Variants in KCNC3 observed in about 807,000 individuals in gnomAD.
The protein encoded by KCNC3 is voltage-gated potassium channel KCNC3.
A neutral mutation model predicts 43.9 loss-of-function variants in KCNC3; 22 were observed. That is an observed-to-expected ratio of 0.50 (90% CI 0.36 to 0.72). The LOEUF (loss-of-function observed/expected upper bound fraction) is 0.72, where lower values mean the gene tolerates loss of function less well. Among genes scored for constraint, KCNC3 ranks in the 30% least tolerant of loss-of-function variants. KCNC3 has a pLI of 0.00. For synonymous variants in KCNC3, 492 were observed against 488.0 expected (o/e 1.01, Z -0.11); for missense variants, 829 against 1,073.8 (o/e 0.77, Z 3.19).
chr19:50,320,269 C>G lies in KCNC3; in HGVS notation c.2251G>C (p.Ala751Pro). 1 of 1,019,506 alleles carries G rather than the reference C, an allele frequency of 9.8e-7. No individual in the cohort carries two copies. The highest frequency in any genetic ancestry group is 1.3e-6 in the Non-Finnish European group (1 of 766,930). The allele number at this position is 1,019,506 out of a possible 1,614,324, so 63.2% of individuals were successfully genotyped here. A position where few individuals can be genotyped will look rare whatever the true frequency, so the allele number is the denominator to read the frequency against. ...PSFLPDLNANAAAWISP is the reference protein window; with the variant it reads ...PSFLPDLNANPAAWISP ...CACTAGGGGGATATCCAGGCCGCGG[C>G]GTTGGCGTTGAGGTCGGGCAAGAAG... is the stretch of plus-strand genomic sequence containing the variant. Residue 751 changes from alanine to proline, a missense_variant, in exon 4 of 5, where the codon GCC (alanine) becomes CCC (proline). Ala to Pro is a conservative substitution (Grantham distance 27). Transcript: ENST00000477616.
At chr19:50,325,685 G>T (rs2037095084) in intron 1 of KCNC3, among the ~76,000 whole-genome samples, 1 of 152,032 alleles carries the variant, frequency 6.6e-6, no homozygotes, top group African/African-American at 2.4e-5. Context: ...AGCCGGGCGC[G>T]CGGCGCTAGC....
At position 50,316,148 on chromosome 19, in the gene KCNC3, C is replaced by G. The variant is rs1157526635; in HGVS notation, c.*24-57G>C. 3.5e-5 allele frequency: 14 copies of G among 404,100 alleles called. No homozygotes were observed. In the South Asian group the frequency reaches 1.0e-3, roughly 30 times the overall value. The allele number at this position is 404,100 out of a possible 1,614,324, so 25.0% of individuals were successfully genotyped here. On this transcript the variant is annotated intron_variant, in intron 4 of 4. Coordinates refer to ENST00000477616, the MANE Select transcript of KCNC3 (RefSeq NM_004977.3). ...TGGGGAGAGGATGGTCAGGGGAAAC[C>G]CCCCAACACAGCCTCACTGTTGGGG...
At chr19:50,321,411 G>C (rs2037032420) in intron 2 of KCNC3, among the ~76,000 whole-genome samples, 1 of 152,130 alleles carries the variant, frequency 6.6e-6, no homozygotes, top group African/African-American at 2.4e-5. Flanking sequence ...GGCCTGCAGT[G>C]AGCCATAATA....
Position 50,329,057 on chromosome 19 carries a change from G to T in KCNC3, c.26C>A (p.Ser9Tyr). MLSSVCVS[S>Y]FRGRQGASKQ... is the part of the protein sequence containing the mutation. ...GCTGGCCCCCTGGCGCCCGCGGAAG[G>T]ACGAGACGCAGACTGAGCTCAGCAT... The change falls in exon 1 of 5, where the codon TCC becomes TAC. Residue 9 changes from serine (S) to tyrosine (Y), a missense_variant. Coordinates refer to ENST00000477616, the MANE Select transcript of KCNC3 (RefSeq NM_004977.3). The T allele has an allele frequency of 7.5e-7, 1 of 1,327,068 alleles. No individual in the cohort carries two copies. The highest frequency in any genetic ancestry group is 9.7e-7 in the Non-Finnish European group (1 of 1,031,472). The allele number at this position is 1,327,068 out of a possible 1,614,324, so 82.2% of individuals were successfully genotyped here. A position where few individuals can be genotyped will look rare whatever the true frequency, so the allele number is the denominator to read the frequency against.
Position 50,319,542 on chromosome 19 carries a change from T to C in KCNC3, c.*23+681A>G, listed in dbSNP as rs2037000141. ...CGTTCCTGTCGATGGGATTTCTTCCTCTGCGTGTGGTCAGAACTCCTGCTC... is the reference window on the plus strand; with the variant it reads ...CGTTCCTGTCGATGGGATTTCTTCCCCTGCGTGTGGTCAGAACTCCTGCTC... On this transcript the variant is annotated intron_variant, in intron 4 of 4. Transcript: ENST00000477616. Among the ~76,000 whole-genome samples, 3 of 152,198 alleles carry C rather than the reference T, an allele frequency of 2.0e-5. No individual in the cohort carries two copies. The South Asian group carries it at 6.2e-4, about 31-fold the overall frequency.
In KCNC3 at chr19:50,324,098, GGAGA is replaced by G. The variant is rs775712507; in HGVS notation, c.871-20_871-17del. 18 of 1,573,838 alleles carry G rather than the reference GGAGA, an allele frequency of 1.1e-5. No individual in the cohort carries two copies. The highest frequency in any genetic ancestry group is 1.8e-5 in the Admixed American group (1 of 56,486). On this transcript the variant is annotated splice_polypyrimidine_tract_variant and intron_variant, in intron 1 of 4. Transcript: ENST00000477616. The surrounding 1 kb of genome is among the most constrained non-coding windows in gnomAD (Gnocchi z 4.1). ...AGGCCACATACTGCAGGGCAGGGAGGGAGAGAGAGGGGGAGAGGTGACCTAGGCA... is the reference window on the plus strand; with the variant it reads ...AGGCCACATACTGCAGGGCAGGGAGGGAGAGGGGGAGAGGTGACCTAGGCA...
chr19:50,319,757 C>T (rs958315570), intron 4 of KCNC3, among the ~76,000 whole-genome samples: 1 of 152,054 alleles, frequency 6.6e-6, no homozygotes, highest in Non-Finnish European at 1.5e-5. Flanking sequence ...GGTTTTTGTT[C>T]ACGGTTGAAC....
intron 1 of KCNC3, among the ~76,000 whole-genome samples, chr19:50,326,600 G>A (rs947000767): frequency 6.6e-5 from 10 of 152,302 alleles, no homozygotes; most frequent in African/African-American, 2.4e-4. Context: ...GTACCCAGGA[G>A]CCCAGGAGGG....
intron 2 of KCNC3, 38 bp downstream of exon 2, chr19:50,322,937 C>G: frequency 6.5e-7 from 1 of 1,547,496 alleles, no homozygotes; most frequent in South Asian, 1.2e-5. Flanking sequence ...CTCCCCGGGT[C>G]TCCACCTGTG....
In KCNC3 at chr19:50,322,989, T is replaced by C; in HGVS notation, c.1964A>G (p.Glu655Gly). Residue 655 changes from glutamate (E) to glycine (G), a missense_variant, in exon 2 of 5, where the codon GAG (glutamate) becomes GGG (glycine). Around this residue, in one of 7 missense-constraint regions of KCNC3, gnomAD observed 308 missense variants for 276.2 expected, o/e 1.11. Coordinates refer to ENST00000477616, the MANE Select transcript of KCNC3 (RefSeq NM_004977.3). ...CCCAGGCTCACCTGCCCGGTTGATCTCAATCACCTCCTCCTGAGCCAACGG... is the reference window on the plus strand; with the variant it reads ...CCCAGGCTCACCTGCCCGGTTGATCCCAATCACCTCCTCCTGAGCCAACGG... Reference protein sequence around the residue: ...PCPLAQEEVIEINRADPRPNG... With the variant: ...PCPLAQEEVIGINRADPRPNG... The C allele has an allele frequency of 6.4e-7, 1 of 1,550,548 alleles. No individual in the cohort carries two copies. The highest frequency in any genetic ancestry group is 8.7e-7 in the Non-Finnish European group (1 of 1,147,444).
At chr19:50,330,263 T>C (rs1334161307), upstream of KCNC3, among the ~76,000 whole-genome samples, 2 of 151,790 alleles carry the variant, frequency 1.3e-5, no homozygotes, top group East Asian at 3.9e-4. Context: ...CGAGACTCTG[T>C]GTCAAAAAAT....
chr19:50,323,417 C>T lies in KCNC3; in HGVS notation c.1536G>A (p.Lys512=), dbSNP rs768870686. ...CCCCGACCAGCATCCCCGACCACGTCTTGGGGTACATGTCTCCATAGCCCA... is the reference window on the plus strand; with the variant it reads ...CCCCGACCAGCATCCCCGACCACGTTTTGGGGTACATGTCTCCATAGCCCA... ...TTLGYGDMYP[K]TWSGMLVGAL... The change falls in exon 2 of 5, where the codon AAG becomes AAA. Residue 512 remains lysine (K), a synonymous_variant. Coordinates refer to ENST00000477616, the MANE Select transcript of KCNC3 (RefSeq NM_004977.3). 9.9e-6 allele frequency: 16 copies of T among 1,614,110 alleles called. No individual in the cohort carries two copies. The highest frequency in any genetic ancestry group is 6.7e-5 in the Admixed American group (4 of 60,016).
chr19:50,328,447 G>A lies in KCNC3; in HGVS notation c.636C>T (p.Asn212=). 13 of 1,581,828 alleles carry A rather than the reference G, an allele frequency of 8.2e-6. No homozygotes were observed. Among genetic ancestry groups the A allele is most frequent in the Non-Finnish European group, 1.1e-5 (13 of 1,166,834 alleles). ...CGTGGGCGCCTGCGGCGTTGGCGGC[G>A]TTGGCGGCGCCCGCGGGGTCGGGCG... is the stretch of plus-strand genomic sequence containing the variant. ...FEAPDPAGAA[N]AANAAGAHDG... is the part of the protein sequence containing the mutation. Residue 212 remains asparagine, a synonymous_variant, in exon 1 of 5, where the codon AAC becomes AAT. Transcript: ENST00000477616.
chr19:50,323,654 C>G lies in KCNC3; in HGVS notation c.1299G>C (p.Gly433=). ...GGAGCGTGTGTCCCAGCACGCGCAG[C>G]CCCACGAAGTGCCGGGTCAGCTTGA... ...RIFKLTRHFV[G]LRVLGHTLRA... is the part of the protein sequence containing the mutation. The change falls in exon 2 of 5, where the codon GGG becomes GGC. Residue 433 remains glycine, a synonymous_variant. Coordinates refer to ENST00000477616, the MANE Select transcript of KCNC3 (RefSeq NM_004977.3). 1 of 1,614,170 alleles carries G rather than the reference C, an allele frequency of 6.2e-7. No individual in the cohort carries two copies. The highest frequency in any genetic ancestry group is 8.5e-7 in the Non-Finnish European group (1 of 1,180,048).
At chr19:50,320,875 G>T in intron 2 of KCNC3, 91 bp from the exon 3 acceptor site, 1 of 1,266,148 alleles carries the variant, frequency 7.9e-7, no homozygotes, top group Non-Finnish European at 1.1e-6. Flanking sequence ...AGGAGCAGAT[G>T]CTGGGATGGT....
chr19:50,318,394 C>T (rs1402124422), intron 4 of KCNC3, among the ~76,000 whole-genome samples: 2 of 152,028 alleles, frequency 1.3e-5, no homozygotes, highest in Non-Finnish European at 2.9e-5. Context: ...AGGCTGGTCT[C>T]GAACTCCTGA....
At chr19:50,317,062 C>T (rs2036965352) in intron 4 of KCNC3, among the ~76,000 whole-genome samples, 1 of 151,768 alleles carries the variant, frequency 6.6e-6, no homozygotes, top group South Asian at 2.1e-4. Context: ...ACCCTCTCCC[C>T]CTCAATCCCA....
At position 50,323,109 on chromosome 19, in the gene KCNC3, G is replaced by A. The variant is rs1432486680; in HGVS notation, c.1844C>T (p.Ala615Val). 9.1e-6 allele frequency: 14 copies of A among 1,537,766 alleles called. No individual in the cohort carries two copies. The highest frequency in any genetic ancestry group is 2.2e-4 in the Middle Eastern group (1 of 4,526). Residue 615 changes from alanine (A) to valine (V), a missense_variant, in exon 2 of 5, where the codon GCG becomes GTG. Ala to Val is a moderately conservative substitution (Grantham distance 64). Transcript: ENST00000477616. ...CAGCCCGGGGTGCGTGTGGGGCCCC[G>A]CTGGGTAGGCCCCGGCCACAGTCAC... ...MGVTVAGAYPAGPHTHPGLLR... is the reference protein window; with the variant it reads ...MGVTVAGAYPVGPHTHPGLLR...
At chr19:50,325,487 G>A (rs1422901239) in intron 1 of KCNC3, among the ~76,000 whole-genome samples, 1 of 151,454 alleles carries the variant, frequency 6.6e-6, no homozygotes. Flanking sequence ...CTTCACTGAG[G>A]TGCAGAGCTG....
Sources: gnomAD v4.1 joint callset for allele counts (sites outside exome capture counted in the v4.1 genomes callset) on GRCh38, gnomAD v4.1.1 for gene constraint, gnomAD v4.1.1 regional missense constraint, Gnocchi (gnomAD v3.1) non-coding constraint, MANE v1.5 for transcripts, NCBI Gene and HGNC (gene_info 2026-07-23, HGNC 2026-07-21) for gene names.